The following ZNF423 variants were observed in gnomAD, a reference collection of about 807,000 sequenced individuals.
ZNF423 encodes the protein zinc finger protein 423, also known as Ebf-associated zinc finger protein.
ZNF423 carries 12 observed loss-of-function variants against 95.8 expected under a neutral mutation model. The observed-to-expected ratio is 0.13, with a 90% CI of 0.08 to 0.20. The LOEUF is 0.20. ZNF423 is among the 10% of genes least tolerant of loss of function. ZNF423 has a pLI of 1.00. For synonymous variants in ZNF423, 749 were observed against 711.9 expected, an observed-to-expected ratio of 1.05 and a Z score of -0.83; for missense variants, 1,316 against 1,737.1, an observed-to-expected ratio of 0.76 and a Z score of 4.31.
At chr16:49,554,211 G>A (rs978824852) in intron 5 of ZNF423, among the ~76,000 whole-genome samples, 2 of 152,126 alleles carry the variant, frequency 1.3e-5, no homozygotes, top group African/African-American at 4.8e-5. Context: ...TTCAAACCAG[G>A]AGTTTGAAGC....
chr16:49,815,914 A>ATATATATATATT (rs1445194160), intron 1 of ZNF423, among the ~76,000 whole-genome samples: 2 of 29,806 alleles, frequency 6.7e-5, no homozygotes, highest in African/African-American at 1.3e-4. Context: ...ATATATATAT[A>ATATATATATATT]TTTTTTTTTT....
intron 1 of ZNF423, among the ~76,000 whole-genome samples, chr16:49,816,682 G>A (rs925168463): frequency 3.3e-5 from 5 of 152,142 alleles, no homozygotes; most frequent in Admixed American, 2.0e-4. Flanking sequence ...TACTGGGGAG[G>A]CTGAGGTGGG....
intron 5 of ZNF423, among the ~76,000 whole-genome samples, chr16:49,616,351 G>A (rs1971875538): frequency 6.6e-6 from 1 of 152,080 alleles, no homozygotes; most frequent in African/African-American, 2.4e-5. Flanking sequence ...GAGGGGAAGT[G>A]GGGATGGTTA....
chr16:49,701,388 A>G (rs1054156284), intron 3 of ZNF423, among the ~76,000 whole-genome samples: 19 of 151,860 alleles, frequency 1.3e-4, no homozygotes, highest in African/African-American at 4.6e-4. Context: ...AGCGACGAGG[A>G]TTTGAAACCA....
intron 2 of ZNF423, among the ~76,000 whole-genome samples, chr16:49,763,637 C>T (rs548436248): frequency 6.6e-6 from 1 of 152,158 alleles, no homozygotes; most frequent in South Asian, 2.1e-4. Flanking sequence ...GGAACAGACA[C>T]GTGCACCCCA....
chr16:49,786,467 G>T (rs1240707537), intron 2 of ZNF423, among the ~76,000 whole-genome samples: 2 of 152,246 alleles, frequency 1.3e-5, no homozygotes, highest in African/African-American at 4.8e-5. Context: ...CCCAAGAAGA[G>T]GGGCTGCTCC....
At chr16:49,771,059 G>A (rs1390894276) in intron 2 of ZNF423, among the ~76,000 whole-genome samples, 1 of 152,200 alleles carries the variant, frequency 6.6e-6, no homozygotes, top group East Asian at 1.9e-4. Flanking sequence ...CTCCAGGTCA[G>A]GCCCCGGGAA....
chr16:49,642,808 T>C (rs113647667), intron 3 of ZNF423, among the ~76,000 whole-genome samples: 20,602 of 143,488 alleles, frequency 0.14, 1,684 homozygotes, highest in African/African-American at 0.18. Context: ...TTTCTTTTTT[T>C]TTTTTTTTTT....
intron 5 of ZNF423, among the ~76,000 whole-genome samples, chr16:49,592,448 G>A (rs1007236548): frequency 8.3e-6 from 1 of 119,842 alleles, no homozygotes; most frequent in African/African-American, 3.8e-5. Flanking sequence ...AACAAATAAA[G>A]CATAAAATGC....
At chr16:49,721,067 A>T (rs903956527) in intron 3 of ZNF423, among the ~76,000 whole-genome samples, 6 of 152,188 alleles carry the variant, frequency 3.9e-5, no homozygotes, top group African/African-American at 1.4e-4. Context: ...TGATGTACAC[A>T]CGGTGATGGG....
At chr16:49,557,255 G>A (rs901697423) in intron 5 of ZNF423, among the ~76,000 whole-genome samples, 3 of 152,196 alleles carry the variant, frequency 2.0e-5, no homozygotes, top group Non-Finnish European at 2.9e-5. Flanking sequence ...GTGAGGCCAC[G>A]GTAAATTCTG....
At position 49,590,855 on chromosome 16, in the gene ZNF423, C is replaced by A. The variant is rs566965608; in HGVS notation, c.3601+35315G>T. Among the ~76,000 whole-genome samples, 13 of 152,298 alleles carry A rather than the reference C, an allele frequency of 8.5e-5. No homozygotes were observed. The East Asian group carries it at 2.5e-3, about 29-fold the overall frequency. On this transcript the variant is annotated intron_variant, in intron 5 of 7. Transcript: ENST00000563137. ...CCCGGTGAGGGCCTTTCCCCCACCA[C>A]CACTCTGGCCACTCTGTCTCCAGAG...
At chr16:49,690,547 T>C (rs920980361) in intron 3 of ZNF423, among the ~76,000 whole-genome samples, 1 of 152,108 alleles carries the variant, frequency 6.6e-6, no homozygotes, top group Non-Finnish European at 1.5e-5. Flanking sequence ...AATAATTCAA[T>C]TTATCTGCTT....
chr16:49,610,165 C>T (rs984525324), intron 5 of ZNF423, among the ~76,000 whole-genome samples: 4 of 152,140 alleles, frequency 2.6e-5, no homozygotes, highest in Non-Finnish European at 5.9e-5. Context: ...GCGTCACCAG[C>T]AGAATCACCC....
At chr16:49,614,075 T>G (rs1162783998) in intron 5 of ZNF423, among the ~76,000 whole-genome samples, 1 of 152,212 alleles carries the variant, frequency 6.6e-6, no homozygotes, top group Non-Finnish European at 1.5e-5. Context: ...GTACTTAGAA[T>G]ACATAAAGAA....
intron 5 of ZNF423, among the ~76,000 whole-genome samples, chr16:49,616,581 C>A (rs1971883405): frequency 6.6e-6 from 1 of 152,060 alleles, no homozygotes; most frequent in Admixed American, 6.6e-5. Flanking sequence ...ATCGAAAGAT[C>A]TCATGTACTC....
intron 1 of ZNF423, among the ~76,000 whole-genome samples, chr16:49,850,464 T>G (rs1313896218): frequency 6.6e-6 from 1 of 152,248 alleles, no homozygotes; most frequent in African/African-American, 2.4e-5. Flanking sequence ...CTAACAGTTT[T>G]CAAGGTATTC....
chr16:49,842,011 C>T (rs2035187045), intron 1 of ZNF423, among the ~76,000 whole-genome samples: 3 of 151,746 alleles, frequency 2.0e-5, no homozygotes, highest in Admixed American at 6.6e-5. Context: ...CCCATGCGGG[C>T]GGATCACCTG....
At chr16:49,778,396 G>A (rs2143754730) in intron 2 of ZNF423, among the ~76,000 whole-genome samples, 1 of 152,364 alleles carries the variant, frequency 6.6e-6, no homozygotes, top group Non-Finnish European at 1.5e-5. Context: ...TGGTCAAGCT[G>A]ATTTTGGCCA....
Sources: gnomAD v4.1 joint callset for allele counts (sites outside exome capture counted in the v4.1 genomes callset) on GRCh38, gnomAD v4.1.1 for gene constraint, MANE v1.5 for transcripts, NCBI Gene and HGNC (gene_info 2026-07-23, HGNC 2026-07-21) for gene names.